The following RERG variants were observed in gnomAD, a reference collection of about 807,000 sequenced individuals.
RERG encodes the protein RAS like estrogen regulated growth inhibitor.
Under a neutral mutation model 23.2 loss-of-function variants are expected in RERG, and 25 were observed. That is an observed-to-expected ratio of 1.08 (90% CI 0.79 to 1.50). The LOEUF (loss-of-function observed/expected upper bound fraction) is 1.50, where lower values mean the gene tolerates loss of function less well. Among genes scored for constraint, RERG ranks in the 40% most tolerant of loss-of-function variants. The probability of loss-of-function intolerance (pLI) is 0.00; values close to 1 mark genes in which losing one functional copy is unlikely to be tolerated. For synonymous variants in RERG, 81 were observed against 89.1 expected (o/e 0.91, Z 0.51); for missense variants, 253 against 250.1 (o/e 1.01, Z -0.08).
At chr12:15,137,178 T>A (rs1282478754) in intron 2 of RERG, among the ~76,000 whole-genome samples, 1 of 151,866 alleles carries the variant, frequency 6.6e-6, no homozygotes. Flanking sequence ...TAATCCATTA[T>A]AATTTTCCTT....
Position 15,109,452 on chromosome 12 carries a change from A to G in RERG, c.258T>C (p.Ile86=), listed in dbSNP as rs771068808. 3 of 1,613,956 alleles carry G rather than the reference A, an allele frequency of 1.9e-6. No homozygotes were observed. The change falls in exon 5 of 5, where the codon ATT becomes ATC. Residue 86 remains isoleucine, a synonymous_variant. Transcript: ENST00000256953. ...WGEGFVLVYD[I]TDRGSFEEVL... ...CTTCCTCAAAACTTCCTCGGTCAGT[A>G]ATGTCGTAGACCAGCACAAAGCCTT... is the stretch of plus-strand genomic sequence containing the variant.
intron 2 of RERG, among the ~76,000 whole-genome samples, chr12:15,136,205 C>T (rs1813279804): frequency 6.6e-6 from 1 of 151,892 alleles, no homozygotes; most frequent in African/African-American, 2.4e-5. Flanking sequence ...TATAGTATTC[C>T]TTTATTATCC....
chr12:15,192,257 C>T (rs1020209233), intron 2 of RERG, among the ~76,000 whole-genome samples: 6 of 152,158 alleles, frequency 3.9e-5, no homozygotes, highest in African/African-American at 1.4e-4. Flanking sequence ...TGCTTGCCTT[C>T]TGCCTTCTGC....
At chr12:15,169,169 T>C (rs1385144729) in intron 2 of RERG, among the ~76,000 whole-genome samples, 1 of 152,230 alleles carries the variant, frequency 6.6e-6, no homozygotes, top group East Asian at 1.9e-4. Context: ...TAGTAAGTTC[T>C]ATAAGAGCCA....
chr12:15,141,470 CATA>C (rs1864237759), intron 2 of RERG, among the ~76,000 whole-genome samples: 1 of 152,264 alleles, frequency 6.6e-6, no homozygotes, highest in African/African-American at 2.4e-5. Context: ...TTATTTCTAG[CATA>C]ATATCCTTTT....
chr12:15,159,693 G>A (rs1207944809), intron 2 of RERG, among the ~76,000 whole-genome samples: 4 of 152,094 alleles, frequency 2.6e-5, no homozygotes, highest in South Asian at 2.1e-4. Flanking sequence ...GCGTGGTGGC[G>A]GGCGCCTGTA....
In RERG at chr12:15,109,636, T is replaced by A. The variant is rs1863567548; in HGVS notation, c.193-119A>T. The A allele has an allele frequency of 1.2e-5, 9 of 743,162 alleles. No homozygotes were observed. The East Asian group carries it at 2.3e-4, about 19-fold the overall frequency. 46.0% of individuals were successfully genotyped at this position (743,162 alleles called of 1,614,324 possible). ...CTTTATATCCAAAGTCATTAAAATG[T>A]CGTGGTACTCTAATTGTACAAACTT... On this transcript the variant is annotated intron_variant, in intron 4 of 4. Transcript: ENST00000256953.
At chr12:15,144,520 A>G (rs544248683) in intron 2 of RERG, among the ~76,000 whole-genome samples, 1 of 152,324 alleles carries the variant, frequency 6.6e-6, no homozygotes, top group South Asian at 2.1e-4. Context: ...AGAATTCTGG[A>G]AACTGTGCAA....
intron 4 of RERG, 162 bp downstream of exon 4, chr12:15,111,182 T>C: frequency 1.8e-6 from 1 of 563,422 alleles, no homozygotes; most frequent in Non-Finnish European, 3.1e-6. Flanking sequence ...AATATACAGA[T>C]ATTTACAAAT....
intron 2 of RERG, among the ~76,000 whole-genome samples, chr12:15,154,730 A>G (rs1188527126): frequency 6.6e-6 from 1 of 152,098 alleles, no homozygotes; most frequent in Non-Finnish European, 1.5e-5. Context: ...TCTCAATCTC[A>G]CTCGGCAATC....
chr12:15,117,252 G>A (rs1425612191), intron 3 of RERG, among the ~76,000 whole-genome samples: 1 of 151,026 alleles, frequency 6.6e-6, no homozygotes, highest in Non-Finnish European at 1.5e-5. Flanking sequence ...GTACTGAGTT[G>A]AGTTCTACTC....
intron 2 of RERG, among the ~76,000 whole-genome samples, chr12:15,214,499 G>T (rs78301630): frequency 3.7e-4 from 56 of 152,236 alleles, no homozygotes; most frequent in African/African-American, 1.3e-3. Context: ...AGGAGCTACC[G>T]AATTACATTC....
intron 2 of RERG, among the ~76,000 whole-genome samples, chr12:15,179,815 G>C (rs1015269534): frequency 4.6e-5 from 7 of 152,140 alleles, no homozygotes; most frequent in Admixed American, 3.9e-4. Context: ...GGCAGCTCTA[G>C]TTATAGTCAT....
At position 15,107,820 on chromosome 12, in the gene RERG, CATAAA is replaced by C. The variant is rs1863523641; in HGVS notation, c.*1285_*1289del. The C allele has an allele frequency of 6.6e-6, 1 of 152,492 alleles. No homozygotes were observed. The highest frequency in any genetic ancestry group is 1.5e-5 in the Non-Finnish European group (1 of 67,970). 9.4% of individuals were successfully genotyped at this position (152,492 alleles called of 1,614,324 possible). A position where few individuals can be genotyped will look rare whatever the true frequency, so the allele number is the denominator to read the frequency against. Reference sequence around the variant, plus strand: ...AAAATTATGCTTTTTATTATAGTCACATAAAATAAAGTCAGTTACATCAAGTTGTC... The same window carrying C: ...AAAATTATGCTTTTTATTATAGTCACATAAAGTCAGTTACATCAAGTTGTC... On this transcript the variant is annotated 3_prime_UTR_variant, in exon 5 of 5. Transcript: ENST00000256953.
Position 15,136,257 on chromosome 12 carries a change from G to A in RERG, c.62-15138C>T, listed in dbSNP as rs1325392765. On this transcript the variant is annotated intron_variant, in intron 2 of 4. Coordinates refer to ENST00000256953, the MANE Select transcript of RERG (RefSeq NM_032918.3). Reference sequence around the variant, plus strand: ...CTCTGTCGTGATATCTATCCCCTCTGTCATTTCTGCTGTTAGTAATTTGCA... The same window carrying A: ...CTCTGTCGTGATATCTATCCCCTCTATCATTTCTGCTGTTAGTAATTTGCA... 2.6e-5 allele frequency among the ~76,000 whole-genome samples: 4 copies of A among 151,864 alleles called. No homozygotes were observed. In the East Asian group the frequency reaches 7.7e-4, roughly 29 times the overall value.
intron 2 of RERG, among the ~76,000 whole-genome samples, chr12:15,122,185 C>T (rs80152564): frequency 0.019 from 2,966 of 152,228 alleles, 45 homozygotes; most frequent in Non-Finnish European, 0.031. Context: ...CCAGGGATCC[C>T]ACTGACCTTA....
At chr12:15,169,876 C>A (rs1477306188) in intron 2 of RERG, among the ~76,000 whole-genome samples, 2 of 151,244 alleles carry the variant, frequency 1.3e-5, no homozygotes. Flanking sequence ...AGCCAAACAC[C>A]ACACAAGCAA....
intron 2 of RERG, among the ~76,000 whole-genome samples, chr12:15,161,202 GAAAGAAAGAAAGAAAGAA>G (rs1864607037): frequency 6.8e-6 from 1 of 146,116 alleles, no homozygotes; most frequent in African/African-American, 2.6e-5. Context: ...AAGAAAGAAA[GAAAGAAAGAAAGAAAGAA>G]AGAAAGAAAC....
At chr12:15,175,016 T>C (rs936528249) in intron 2 of RERG, among the ~76,000 whole-genome samples, 5 of 152,166 alleles carry the variant, frequency 3.3e-5, no homozygotes, top group African/African-American at 1.2e-4. Context: ...TAATTCTTTC[T>C]TGCTTTTTTA....
Sources: allele counts gnomAD v4.1 joint callset (sites outside exome capture counted in the v4.1 genomes callset), GRCh38; gene constraint gnomAD v4.1.1; transcripts MANE v1.5; gene names NCBI Gene and HGNC (gene_info 2026-07-23, HGNC 2026-07-21).